The following TRIM55 variants were observed in gnomAD, a reference collection of about 807,000 sequenced individuals.
The protein encoded by TRIM55 is tripartite motif-containing protein 55.
TRIM55 carries 50 observed loss-of-function variants against 60.9 expected under a neutral mutation model. The ratio of observed to expected loss-of-function variants is 0.82; its 90% CI spans 0.65 to 1.04. The LOEUF (loss-of-function observed/expected upper bound fraction) is 1.04, where lower values mean the gene tolerates loss of function less well. TRIM55 is among the 50% of genes least tolerant of loss of function. The probability of loss-of-function intolerance (pLI) is 0.00; values close to 1 mark genes in which losing one functional copy is unlikely to be tolerated. For synonymous variants in TRIM55, 237 were observed against 238.1 expected (o/e 1.00, Z 0.04); for missense variants, 681 against 666.9 (o/e 1.02, Z -0.23).
chr8:66,130,343 T>C (rs1809065317), intron 2 of TRIM55, among the ~76,000 whole-genome samples: 4 of 152,206 alleles, frequency 2.6e-5, no homozygotes, highest in Admixed American at 2.6e-4. Context: ...TGTTTTTTCT[T>C]GAACTTGAGA....
chr8:66,129,279 G>A lies in TRIM55; in HGVS notation c.341+803G>A, dbSNP rs531436203. 2.0e-5 allele frequency among the ~76,000 whole-genome samples: 3 copies of A among 152,260 alleles called. No homozygotes were observed. In the South Asian group the frequency reaches 6.2e-4, roughly 32 times the overall value. ...CAATGCTGCGGGAAGCTTATTCCTAGAAGGCACGGTGTGAAGAGCCCCTTT... is the reference window on the plus strand; with the variant it reads ...CAATGCTGCGGGAAGCTTATTCCTAAAAGGCACGGTGTGAAGAGCCCCTTT... On this transcript the variant is annotated intron_variant, in intron 2 of 9. Transcript: ENST00000315962.
At chr8:66,139,274 T>C (rs1171142366) in intron 4 of TRIM55, among the ~76,000 whole-genome samples, 1 of 152,192 alleles carries the variant, frequency 6.6e-6, no homozygotes, top group East Asian at 1.9e-4. Context: ...TTACCGGAGA[T>C]GTCTGTTGGA....
chr8:66,173,254 C>T (rs1811743456), intron 9 of TRIM55, among the ~76,000 whole-genome samples: 7 of 152,034 alleles, frequency 4.6e-5, no homozygotes, highest in Admixed American at 4.6e-4. Context: ...AACTTTCTAT[C>T]AGGAAGCAAT....
chr8:66,156,824 C>T (rs1010110058), intron 9 of TRIM55, among the ~76,000 whole-genome samples: 3 of 152,132 alleles, frequency 2.0e-5, no homozygotes, highest in Non-Finnish European at 4.4e-5. Flanking sequence ...GTGAGCAGGA[C>T]CTGCCCACAA....
At chr8:66,117,032 G>GA in the TRIM55 span, among the ~76,000 whole-genome samples, 130 of 152,048 alleles carry the variant, frequency 8.5e-4, no homozygotes, top group Non-Finnish European at 1.4e-3. Context: ...ACAGATTAAA[G>GA]AAAAAAAATC....
chr8:66,162,142 T>C (rs769262314), intron 9 of TRIM55, among the ~76,000 whole-genome samples: 4 of 152,136 alleles, frequency 2.6e-5, no homozygotes, highest in Admixed American at 6.5e-5. Flanking sequence ...CAGTATTTTG[T>C]TGGCTGTGGG....
chr8:66,163,255 G>C (rs1811147388), intron 9 of TRIM55, among the ~76,000 whole-genome samples: 1 of 151,694 alleles, frequency 6.6e-6, no homozygotes, highest in African/African-American at 2.4e-5. Context: ...TCCATTTTTT[G>C]GTCAGTTTTT....
chr8:66,152,440 G>C lies in TRIM55; in HGVS notation c.1049G>C (p.Gly350Ala). Residue 350 changes from glycine to alanine, a missense_variant, in exon 8 of 10, where the codon GGA (glycine) becomes GCA (alanine). Transcript: ENST00000315962. ...EGEKEGEGEVGGEAVEVEEVE... is the reference protein window; with the variant it reads ...EGEKEGEGEVAGEAVEVEEVE... ...GAAAAAGAAGGAGAAGGAGAAGTGG[G>C]AGGAGAAGCAGTAGAAGTGGAAGAG... The C allele has an allele frequency of 6.2e-7, 1 of 1,613,370 alleles. No individual in the cohort carries two copies. The highest frequency in any genetic ancestry group is 8.5e-7 in the Non-Finnish European group (1 of 1,179,354).
At chr8:66,145,801 C>A (rs933115325) in intron 4 of TRIM55, among the ~76,000 whole-genome samples, 2 of 152,178 alleles carry the variant, frequency 1.3e-5, no homozygotes, top group Non-Finnish European at 2.9e-5. Flanking sequence ...GCCACTGCAC[C>A]TGGCCAGTAC....
At chr8:66,130,565 G>GT (rs933161106) in intron 2 of TRIM55, among the ~76,000 whole-genome samples, 3 of 151,710 alleles carry the variant, frequency 2.0e-5, no homozygotes, top group East Asian at 3.9e-4. Flanking sequence ...AGGGGGTCGG[G>GT]GGGGGTGACC....
chr8:66,157,721 C>T (rs564989744), intron 9 of TRIM55, among the ~76,000 whole-genome samples: 1 of 152,186 alleles, frequency 6.6e-6, no homozygotes, highest in African/African-American at 2.4e-5. Flanking sequence ...AGCAAATGCT[C>T]TATTTCCTGG....
rs1174965989 is a variant in TRIM55 at position 66,135,195 on chromosome 8, T to C, written c.507+40T>C. ...CCCTCCCTCCCGCAACCCCTCCCCA[T>C]CCCCACACCTTAGGGCCTTCCTGGG... is the stretch of plus-strand genomic sequence containing the variant. On this transcript the variant is annotated intron_variant, in intron 3 of 9. Coordinates refer to ENST00000315962, the MANE Select transcript of TRIM55 (RefSeq NM_184085.2). The C allele has an allele frequency of 3.8e-6, 6 of 1,591,432 alleles. No homozygotes were observed. In the Admixed American group the frequency reaches 1.0e-4, roughly 27 times the overall value.
Position 66,127,302 on chromosome 8 carries a change from A to G in TRIM55, c.34A>G (p.Lys12Glu). ...SASLNYKSFS[K>E]EQQTMDNLEK... ...ATCTCTGAATTACAAATCTTTTTCC[A>G]AAGAGCAGCAGACCATGGATAACTT... Residue 12 changes from lysine to glutamate, a missense_variant, in exon 1 of 10, where the codon AAA (lysine) becomes GAA (glutamate). Coordinates refer to ENST00000315962, the MANE Select transcript of TRIM55 (RefSeq NM_184085.2). The G allele has an allele frequency of 6.2e-7, 1 of 1,614,084 alleles. No homozygotes were observed. Among genetic ancestry groups the G allele is most frequent in the South Asian group, 1.1e-5 (1 of 91,068 alleles).
chr8:66,164,005 A>G (rs1236266121), intron 9 of TRIM55, among the ~76,000 whole-genome samples: 1 of 149,642 alleles, frequency 6.7e-6, no homozygotes, highest in African/African-American at 2.4e-5. Flanking sequence ...TTCCAAGATA[A>G]GTGTTTTTTT....
At chr8:66,164,127 C>G (rs1811194068) in intron 9 of TRIM55, among the ~76,000 whole-genome samples, 1 of 151,830 alleles carries the variant, frequency 6.6e-6, no homozygotes, top group African/African-American at 2.4e-5. Flanking sequence ...TTTAAAAAGA[C>G]AGGGGTGGGG....
At chr8:66,154,502 A>G (rs1350352709) in intron 9 of TRIM55, among the ~76,000 whole-genome samples, 168 bp downstream of exon 9, 1 of 152,228 alleles carries the variant, frequency 6.6e-6, no homozygotes, top group Non-Finnish European at 1.5e-5. Context: ...TTTGAGCTCT[A>G]TATAAAAGAA....
chr8:66,171,970 G>GGGGTC (rs10630107), intron 9 of TRIM55, among the ~76,000 whole-genome samples: 50,107 of 151,520 alleles, frequency 0.33, 12,770 homozygotes, highest in African/African-American at 0.71. Context: ...TTTCTTATTG[G>GGGGTC]GGTGCTATTG....
chr8:66,164,567 A>G (rs1217818438), intron 9 of TRIM55, among the ~76,000 whole-genome samples: 1 of 152,170 alleles, frequency 6.6e-6, no homozygotes, highest in Non-Finnish European at 1.5e-5. Flanking sequence ...CCCAAGTATC[A>G]ACAAAAAGGT....
intron 9 of TRIM55, among the ~76,000 whole-genome samples, chr8:66,165,627 T>C (rs1811285966): frequency 1.3e-5 from 2 of 152,204 alleles, no homozygotes; most frequent in African/African-American, 4.8e-5. Flanking sequence ...TTGCTATGTG[T>C]TTTACAAATT....
Sources: gnomAD v4.1 joint callset for allele counts (sites outside exome capture counted in the v4.1 genomes callset) on GRCh38, gnomAD v4.1.1 for gene constraint, MANE v1.5 for transcripts, NCBI Gene and HGNC (gene_info 2026-07-23, HGNC 2026-07-21) for gene names.